The following CALD1 variants were observed in gnomAD, a reference collection of about 807,000 sequenced individuals.
CALD1 encodes caldesmon.
In CALD1, 33 loss-of-function variants were observed where a neutral mutation model predicts 99.9. The ratio of observed to expected loss-of-function variants is 0.33; its 90% CI spans 0.25 to 0.44. CALD1 has a LOEUF of 0.44. CALD1 is among the 20% of genes least tolerant of loss of function. The pLI, the probability that CALD1 is intolerant of heterozygous loss-of-function variation, is 1.00. For synonymous variants in CALD1, 310 were observed against 325.0 expected, an observed-to-expected ratio of 0.95 and a Z score of 0.50; for missense variants, 861 against 962.1, an observed-to-expected ratio of 0.89 and a Z score of 1.39.
At chr7:134,733,584 G>A in the CALD1 span, among the ~76,000 whole-genome samples, 3 of 152,008 alleles carry the variant, frequency 2.0e-5, no homozygotes, top group African/African-American at 4.8e-5. Flanking sequence ...TGAGGCGGGC[G>A]GATCATGAGG....
chr7:134,874,933 A>G (rs975694231), intron 3 of CALD1, among the ~76,000 whole-genome samples: 1 of 152,236 alleles, frequency 6.6e-6, no homozygotes, highest in African/African-American at 2.4e-5. Flanking sequence ...TACAACACAC[A>G]ACCCCTCACA....
chr7:134,712,820 G>T, the CALD1 span, among the ~76,000 whole-genome samples: 3 of 152,186 alleles, frequency 2.0e-5, no homozygotes, highest in Admixed American at 6.5e-5. Context: ...GGAATCAGGC[G>T]TGCCTTCGAG....
At chr7:134,906,414 C>A (rs1311533968) in intron 3 of CALD1, among the ~76,000 whole-genome samples, 1 of 152,160 alleles carries the variant, frequency 6.6e-6, no homozygotes, top group Non-Finnish European at 1.5e-5. Context: ...GCCAGGTTTG[C>A]ACATCTAGAT....
chr7:134,852,615 C>T (rs1210881889), intron 2 of CALD1, among the ~76,000 whole-genome samples: 1 of 152,162 alleles, frequency 6.6e-6, no homozygotes, highest in East Asian at 1.9e-4. Context: ...TGAATGGAGA[C>T]AGTAGTAAAC....
the CALD1 span, among the ~76,000 whole-genome samples, chr7:134,715,193 T>A: frequency 6.6e-6 from 1 of 152,208 alleles, no homozygotes. Flanking sequence ...AAATTTCACA[T>A]GCACCAGATT....
At chr7:134,919,331 C>T (rs1276137081) in intron 3 of CALD1, among the ~76,000 whole-genome samples, 1 of 152,142 alleles carries the variant, frequency 6.6e-6, no homozygotes, top group Non-Finnish European at 1.5e-5. Context: ...ACAGGATGTT[C>T]CAGTCATAAT....
intron 6 of CALD1, among the ~76,000 whole-genome samples, chr7:134,936,659 A>G (rs1447618516): frequency 6.6e-6 from 1 of 152,228 alleles, no homozygotes; most frequent in Non-Finnish European, 1.5e-5. Context: ...AGAGAAATCC[A>G]TATTTAGAAA....
chr7:134,941,822 C>T (rs533707930), intron 7 of CALD1, among the ~76,000 whole-genome samples: 5 of 152,204 alleles, frequency 3.3e-5, no homozygotes, highest in African/African-American at 1.2e-4. Context: ...ACCTACTGCT[C>T]TATTTTATAC....
At chr7:134,788,096 G>C (rs1376235590) in intron 1 of CALD1, among the ~76,000 whole-genome samples, 2 of 152,156 alleles carry the variant, frequency 1.3e-5, no homozygotes, top group African/African-American at 4.8e-5. Flanking sequence ...AATTTTGAGA[G>C]CCAGTTGTAA....
intron 3 of CALD1, among the ~76,000 whole-genome samples, chr7:134,883,789 C>T (rs886343645): frequency 6.6e-6 from 1 of 152,138 alleles, no homozygotes; most frequent in Non-Finnish European, 1.5e-5. Context: ...CTGTAATCCA[C>T]GATATTAGTG....
At chr7:134,949,950 A>G (rs1807208267) in intron 8 of CALD1, among the ~76,000 whole-genome samples, 1 of 152,070 alleles carries the variant, frequency 6.6e-6, no homozygotes, top group Non-Finnish European at 1.5e-5. Flanking sequence ...ATGTTTTAAG[A>G]AAGTTTACGA....
intron 3 of CALD1, among the ~76,000 whole-genome samples, chr7:134,894,502 C>T (rs1462818793): frequency 1.3e-5 from 2 of 152,208 alleles, no homozygotes; most frequent in Non-Finnish European, 2.9e-5. Context: ...ACAAAGCCTT[C>T]ACTCCTTTTG....
intron 1 of CALD1, among the ~76,000 whole-genome samples, chr7:134,789,682 C>G (rs916868552): frequency 6.6e-5 from 10 of 152,148 alleles, no homozygotes; most frequent in Non-Finnish European, 1.5e-4. Context: ...CCTGTTGCCT[C>G]CTCTAGGCCA....
At chr7:134,841,525 G>C (rs1444511134) in intron 1 of CALD1, among the ~76,000 whole-genome samples, 2 of 152,076 alleles carry the variant, frequency 1.3e-5, no homozygotes, top group African/African-American at 4.8e-5. Context: ...ATTAAGAAAT[G>C]ATCTGCCTTA....
intron 1 of CALD1, among the ~76,000 whole-genome samples, chr7:134,760,842 T>G (rs956496744): frequency 6.6e-6 from 1 of 152,212 alleles, no homozygotes; most frequent in Non-Finnish European, 1.5e-5. Context: ...TTTTTTTTCT[T>G]CTTTCTTCCT....
chr7:134,937,983 G>A (rs543927297), intron 6 of CALD1, among the ~76,000 whole-genome samples: 24 of 151,986 alleles, frequency 1.6e-4, no homozygotes, highest in East Asian at 3.9e-4. Context: ...GTTTCTAGCC[G>A]AGCTGCTCCT....
intron 1 of CALD1, among the ~76,000 whole-genome samples, chr7:134,744,940 T>G (rs1332227115): frequency 1.3e-5 from 2 of 152,210 alleles, no homozygotes; most frequent in Non-Finnish European, 2.9e-5. Context: ...GTGCCACGTA[T>G]CATAGTAATT....
chr7:134,856,919 TCAA>T (rs1184599029), intron 2 of CALD1, among the ~76,000 whole-genome samples: 1 of 152,206 alleles, frequency 6.6e-6, no homozygotes, highest in Non-Finnish European at 1.5e-5. Flanking sequence ...CTGTTCCAAC[TCAA>T]CAAGTGTGAG....
intron 1 of CALD1, among the ~76,000 whole-genome samples, chr7:134,838,460 A>T (rs1799528879): frequency 6.6e-6 from 1 of 152,236 alleles, no homozygotes; most frequent in South Asian, 2.1e-4. Context: ...GACAAGAAAC[A>T]GTGGATACTA....
Sources: gnomAD v4.1 joint callset for allele counts (sites outside exome capture counted in the v4.1 genomes callset) on GRCh38, gnomAD v4.1.1 for gene constraint, MANE v1.5 for transcripts, NCBI Gene and HGNC (gene_info 2026-07-23, HGNC 2026-07-21) for gene names.